CAMK4: variants seen among roughly 807,000 people sequenced by gnomAD.
The protein encoded by CAMK4 is calcium/calmodulin-dependent protein kinase type IV.
In CAMK4, 22 loss-of-function variants were observed where a neutral mutation model predicts 44.9. That is an observed-to-expected ratio of 0.49 (90% CI 0.35 to 0.70). The LOEUF is 0.70. CAMK4 is among the 30% of genes least tolerant of loss of function. The pLI is 0.01. For missense variants in CAMK4, 498 were observed against 586.8 expected (o/e 0.85, Z 1.56); for synonymous variants, 218 against 215.4 (o/e 1.01, Z -0.11).
At chr5:111,285,017 A>G (rs1310358077) in intron 1 of CAMK4, among the ~76,000 whole-genome samples, 1 of 152,220 alleles carries the variant, frequency 6.6e-6, no homozygotes, top group Non-Finnish European at 1.5e-5. Context: ...GATGATTTCT[A>G]ATTTTTTAAC....
At chr5:111,358,849 A>C (rs1465228306) in intron 2 of CAMK4, among the ~76,000 whole-genome samples, 1 of 152,022 alleles carries the variant, frequency 6.6e-6, no homozygotes, top group African/African-American at 2.4e-5. Flanking sequence ...GTTAGTTTGG[A>C]TAATGGCCTA....
intron 1 of CAMK4, among the ~76,000 whole-genome samples, chr5:111,315,828 A>G (rs1476012160): frequency 6.6e-6 from 1 of 152,138 alleles, no homozygotes. Context: ...TTCTTCTGCT[A>G]GATAACTGTC....
intron 1 of CAMK4, among the ~76,000 whole-genome samples, chr5:111,310,236 C>T (rs995964089): frequency 6.6e-6 from 1 of 152,132 alleles, no homozygotes; most frequent in African/African-American, 2.4e-5. Flanking sequence ...CTGTTTCTAC[C>T]TCCTCACCTC....
chr5:111,473,429 C>G, intron 8 of CAMK4, 43 bp downstream of exon 8: 1 of 1,279,278 alleles, frequency 7.8e-7, no homozygotes, highest in South Asian at 1.2e-5. Flanking sequence ...ATTTACCTTG[C>G]TGTGACATTT....
At chr5:111,263,571 C>T (rs146510239) in intron 1 of CAMK4, among the ~76,000 whole-genome samples, 190 of 152,292 alleles carry the variant, frequency 1.2e-3, no homozygotes, top group Non-Finnish European at 2.0e-3. Context: ...AGTTCAACAC[C>T]CTACATCTCA....
rs1260471350 is a variant in CAMK4, at chr5:111,484,499, G to A, written c.*33G>A. The stretch of plus-strand genomic sequence containing the variant: ...CCTTCAGATCTGGAAGCCAAACACC[G>A]GCATTTTATGTACTTTGTCCTTCAG... On this transcript the variant is annotated 3_prime_UTR_variant, in exon 11 of 11. Coordinates refer to ENST00000282356, the MANE Select transcript of CAMK4 (RefSeq NM_001744.6). This position sits in a 1 kb window ranked among gnomAD's most constrained non-coding sequence, Gnocchi z 5.3. 8.0e-6 allele frequency: 11 copies of A among 1,381,160 alleles called. No individual in the cohort carries two copies. Among genetic ancestry groups the A allele is most frequent in the Admixed American group, 7.1e-5 (3 of 42,092 alleles). The allele number at this position is 1,381,160 out of a possible 1,614,324, so 85.6% of individuals were successfully genotyped here.
chr5:111,419,797 A>G (rs947448871), intron 5 of CAMK4, among the ~76,000 whole-genome samples: 1 of 151,958 alleles, frequency 6.6e-6, no homozygotes, highest in Non-Finnish European at 1.5e-5. Flanking sequence ...TGTTCCATTG[A>G]TCTATATCTC....
chr5:111,411,607 C>T (rs1561470591), intron 5 of CAMK4, among the ~76,000 whole-genome samples: 1 of 152,174 alleles, frequency 6.6e-6, no homozygotes, highest in South Asian at 2.1e-4. Flanking sequence ...TTCACTGGAA[C>T]TTCAGCATAG....
At chr5:111,233,498 G>C (rs1331980533) in intron 1 of CAMK4, among the ~76,000 whole-genome samples, 5 of 152,122 alleles carry the variant, frequency 3.3e-5, no homozygotes, top group Non-Finnish European at 7.4e-5. Flanking sequence ...TTTATTCGAA[G>C]GGCGTGAAAG....
intron 1 of CAMK4, among the ~76,000 whole-genome samples, chr5:111,316,569 G>C (rs1748433036): frequency 6.6e-6 from 1 of 152,174 alleles, no homozygotes; most frequent in South Asian, 2.1e-4. Flanking sequence ...GATGTTTGAA[G>C]AATGTGAAGA....
At chr5:111,395,347 T>G (rs1304574874) in intron 5 of CAMK4, among the ~76,000 whole-genome samples, 6 of 152,040 alleles carry the variant, frequency 3.9e-5, no homozygotes, top group Non-Finnish European at 8.8e-5. Flanking sequence ...ATAAGTGTGT[T>G]AAATTAATTT....
chr5:111,271,920 G>A (rs776236578), intron 1 of CAMK4, among the ~76,000 whole-genome samples: 7 of 152,056 alleles, frequency 4.6e-5, no homozygotes, highest in Non-Finnish European at 7.4e-5. Flanking sequence ...AGATGTCATT[G>A]GTGTCTCCCT....
chr5:111,486,797 C>G lies in CAMK4; in HGVS notation c.*2331C>G, dbSNP rs1755647185. 1 of 152,062 alleles carries G rather than the reference C, an allele frequency of 6.6e-6. No individual in the cohort carries two copies. The highest frequency in any genetic ancestry group is 2.1e-4 in the South Asian group (1 of 4,816). 9.4% of individuals were successfully genotyped at this position (152,062 alleles called of 1,614,324 possible). On this transcript the variant is annotated 3_prime_UTR_variant, in exon 11 of 11. Transcript: ENST00000282356. ...TTTAAATGAGTGCATATTACCATTC[C>G]TCCATGTGAGTACTCGAGTTGATAA...
chr5:111,393,224 A>G (rs1223479590), intron 4 of CAMK4, among the ~76,000 whole-genome samples: 1 of 152,170 alleles, frequency 6.6e-6, no homozygotes, highest in Non-Finnish European at 1.5e-5. Flanking sequence ...GTCAACATGA[A>G]ATGGAGCATA....
At chr5:111,252,969 A>G (rs1044787723) in intron 1 of CAMK4, among the ~76,000 whole-genome samples, 1 of 152,220 alleles carries the variant, frequency 6.6e-6, no homozygotes, top group Non-Finnish European at 1.5e-5. Context: ...CAATGCAGAA[A>G]GAGATAGAGG....
intron 1 of CAMK4, among the ~76,000 whole-genome samples, chr5:111,321,729 A>G (rs1005381036): frequency 6.6e-5 from 10 of 152,186 alleles, no homozygotes; most frequent in African/African-American, 2.4e-4. Flanking sequence ...GTTTTGACAT[A>G]GTATAATTAT....
At chr5:111,297,246 A>T (rs1747526751) in intron 1 of CAMK4, among the ~76,000 whole-genome samples, 1 of 152,240 alleles carries the variant, frequency 6.6e-6, no homozygotes, top group East Asian at 1.9e-4. Context: ...AATGGAAAAC[A>T]ATGAGGCATT....
rs56170301 is a variant in CAMK4 at position 111,486,538 on chromosome 5, C to T, written c.*2072C>T. On this transcript the variant is annotated 3_prime_UTR_variant, in exon 11 of 11. Transcript: ENST00000282356. ...ACACACACACACACACACACACACA[C>T]ACACGTGTTGGAAGAGCAAAGAGAG... 7.5e-6 allele frequency: 1 copy of T among 134,140 alleles called. No individual in the cohort carries two copies. The highest frequency in any genetic ancestry group is 2.9e-5 in the African/African-American group (1 of 34,444). The allele number at this position is 134,140 out of a possible 1,614,324, so 8.3% of individuals were successfully genotyped here.
In CAMK4 at chr5:111,249,660, A is replaced by ATG. The variant is rs1749400521; in HGVS notation, c.161+25017_161+25018insGT. ...TATATATATATGTGTGTGTGTGTGT[A>ATG]TATATATGTGTGTGTGTGTGTGTGT... On this transcript the variant is annotated intron_variant, in intron 1 of 10. Coordinates refer to ENST00000282356, the MANE Select transcript of CAMK4 (RefSeq NM_001744.6). Among the ~76,000 whole-genome samples, 3 of 115,580 alleles carry ATG rather than the reference A, an allele frequency of 2.6e-5. No individual in the cohort carries two copies. The Admixed American group carries it at 2.6e-4, about 10-fold the overall frequency. The allele number at this position is 115,580 out of a possible 152,430, so 75.8% of individuals were successfully genotyped here.
Sources: allele counts gnomAD v4.1 joint callset (sites outside exome capture counted in the v4.1 genomes callset), GRCh38; gene constraint gnomAD v4.1.1; non-coding constraint Gnocchi (gnomAD v3.1); transcripts MANE v1.5; gene names NCBI Gene and HGNC (gene_info 2026-07-23, HGNC 2026-07-21).